The following CDH11 variants were observed in gnomAD, a reference collection of about 807,000 sequenced individuals.
CDH11 encodes cadherin-11.
CDH11 carries 11 observed loss-of-function variants against 67.8 expected under a neutral mutation model. That is an observed-to-expected ratio of 0.16 (90% confidence interval 0.10 to 0.27). CDH11 has a LOEUF of 0.27. Ranked by LOEUF, CDH11 falls within the 10% of genes least tolerant of loss-of-function variation. CDH11 has a pLI of 1.00. For synonymous variants in CDH11, 419 were observed against 400.0 expected, an observed-to-expected ratio of 1.05 and a Z score of -0.57; for missense variants, 847 against 1,031.2, an observed-to-expected ratio of 0.82 and a Z score of 2.45.
At chr16:65,017,804 GCAGT>G (rs979530289) in intron 2 of CDH11, among the ~76,000 whole-genome samples, 4 of 151,998 alleles carry the variant, frequency 2.6e-5, no homozygotes, top group Admixed American at 6.6e-5. Flanking sequence ...ACAAAAATAA[GCAGT>G]CAATCTAAAT....
At chr16:64,980,148 G>A (rs182349262) in intron 8 of CDH11, among the ~76,000 whole-genome samples, 1 of 152,204 alleles carries the variant, frequency 6.6e-6, no homozygotes, top group East Asian at 1.9e-4. Context: ...ATTAGACAGT[G>A]GTAATGGTTG....
In CDH11 at chr16:64,947,176, T is replaced by C. The variant is rs1328433140; in HGVS notation, c.*427A>G. On this transcript the variant is annotated 3_prime_UTR_variant, in exon 13 of 13. Transcript: ENST00000268603. ...ATTTCAAGTTTAAAAATGCACTACA[T>C]ATAGAGTGTCCAGAGTTTAAGGCGA... The C allele has an allele frequency of 3.8e-5, 41 of 1,067,740 alleles. No homozygotes were observed. The highest frequency in any genetic ancestry group is 4.7e-5 in the Non-Finnish European group (41 of 878,732). 66.1% of individuals were successfully genotyped at this position (1,067,740 alleles called of 1,614,324 possible). A position where few individuals can be genotyped will look rare whatever the true frequency, so the allele number is the denominator to read the frequency against.
At chr16:65,047,715 T>A (rs2073987267) in intron 2 of CDH11, among the ~76,000 whole-genome samples, 1 of 152,188 alleles carries the variant, frequency 6.6e-6, no homozygotes, top group Non-Finnish European at 1.5e-5. Flanking sequence ...TGTATCTATC[T>A]AAGGATACAT....
chr16:65,005,059 T>C lies in CDH11; in HGVS notation c.-172-18A>G, dbSNP rs1020289229. On this transcript the variant is annotated intron_variant, in intron 2 of 12. Coordinates refer to ENST00000268603, the MANE Select transcript of CDH11 (RefSeq NM_001797.4). ...GTTAGCTTCTGCAAGCAGAGAGAGGTTGGATTAACTGCAGGCCAAATCCCC... is the reference window on the plus strand; with the variant it reads ...GTTAGCTTCTGCAAGCAGAGAGAGGCTGGATTAACTGCAGGCCAAATCCCC... 1.5e-6 allele frequency: 2 copies of C among 1,338,692 alleles called. No homozygotes were observed. Among genetic ancestry groups the C allele is most frequent in the Non-Finnish European group, 1.9e-6 (2 of 1,047,856 alleles). The allele number at this position is 1,338,692 out of a possible 1,614,324, so 82.9% of individuals were successfully genotyped here. A position where few individuals can be genotyped will look rare whatever the true frequency, so the allele number is the denominator to read the frequency against.
At chr16:64,977,719 C>T (rs142828408) in intron 8 of CDH11, among the ~76,000 whole-genome samples, 1 of 152,186 alleles carries the variant, frequency 6.6e-6, no homozygotes, top group Non-Finnish European at 1.5e-5. Context: ...GTGTTCAATA[C>T]TGACTGTCCA....
intron 1 of CDH11, chr16:65,059,794 G>T (rs531583167): frequency 6.6e-6 from 1 of 152,172 alleles, no homozygotes; most frequent in Admixed American, 6.5e-5. Flanking sequence ...AATGTCTTTC[G>T]TTGTACCCAA....
chr16:64,987,193 A>G (rs2072509311), intron 7 of CDH11: 1 of 152,070 alleles, frequency 6.6e-6, no homozygotes, highest in African/African-American at 2.4e-5. Context: ...TCACGGGGGG[A>G]AACCTTTTTA....
chr16:64,970,692 G>A (rs2071981425), intron 11 of CDH11, among the ~76,000 whole-genome samples: 3 of 152,158 alleles, frequency 2.0e-5, no homozygotes, highest in African/African-American at 2.4e-5. Context: ...CAGTCGCAGG[G>A]AAAGCAATCA....
Position 65,121,372 on chromosome 16 carries a change from T to A in CDH11, c.-298+508A>T, listed in dbSNP as rs1476645297. 2.0e-5 allele frequency among the ~76,000 whole-genome samples: 3 copies of A among 152,186 alleles called. No individual in the cohort carries two copies. Among genetic ancestry groups the A allele is most frequent in the Non-Finnish European group, 4.4e-5 (3 of 68,026 alleles). ...ACCCGGCAGTCTCGACTGCAGGGAC[T>A]AAGCCCCGGGGAGCTTTCGGCAGGG... On this transcript the variant is annotated intron_variant, in intron 1 of 12. Transcript: ENST00000268603. This position sits in a 1 kb window ranked among gnomAD's most constrained non-coding sequence, Gnocchi z 4.1.
intron 2 of CDH11, among the ~76,000 whole-genome samples, chr16:65,026,259 T>A (rs186280619): frequency 4.9e-4 from 74 of 152,162 alleles, no homozygotes; most frequent in African/African-American, 1.5e-3. Context: ...CAGAAAAAAA[T>A]TTTCTGCAGC....
intron 2 of CDH11, among the ~76,000 whole-genome samples, chr16:65,013,355 G>A (rs1442476332): frequency 1.3e-5 from 2 of 152,120 alleles, no homozygotes; most frequent in Non-Finnish European, 2.9e-5. Flanking sequence ...GACAGGAGCC[G>A]AGCTGTCAGA....
At position 65,036,679 on chromosome 16, in the gene CDH11, A is replaced by G. The variant is rs916588912; in HGVS notation, c.-173+17125T>C. Among the ~76,000 whole-genome samples, 6 of 152,210 alleles carry G rather than the reference A, an allele frequency of 3.9e-5. No homozygotes were observed. The East Asian group carries it at 1.2e-3, about 30-fold the overall frequency. ...AACGTCATATGTTCTACTAAGACAG[A>G]CCTATTGCCATTTCTAAAATGATCC... is the stretch of plus-strand genomic sequence containing the variant. On this transcript the variant is annotated intron_variant, in intron 2 of 12. Transcript: ENST00000268603.
intron 8 of CDH11, among the ~76,000 whole-genome samples, chr16:64,979,759 A>G (rs1448395914): frequency 1.3e-5 from 2 of 152,308 alleles, no homozygotes; most frequent in East Asian, 3.9e-4. Context: ...TTAGGCTAAG[A>G]CATGTCCAGG....
chr16:65,018,981 C>T lies in CDH11; in HGVS notation c.-172-13940G>A, dbSNP rs148373588. Among the ~76,000 whole-genome samples, 335 of 152,270 alleles carry T rather than the reference C, an allele frequency of 2.2e-3. 3 individuals are homozygous for T. The highest frequency in any genetic ancestry group is 7.4e-3 in the African/African-American group (307 of 41,572). ...ACCTCTGTGGTACACAGCAATTTAA[C>T]ATAACAGTTATGGGTATTATTGTTC... On this transcript the variant is annotated intron_variant, in intron 2 of 12. Transcript: ENST00000268603.
Position 64,945,301 on chromosome 16 carries a change from T to TAAAAAAAAAAAAAAAAAA in CDH11, c.*2284_*2301dup, listed in dbSNP as rs3046001. Reference sequence around the variant, plus strand: ...AGAGGCTTAACGAAAAAATAAAAGGTAAAAAAAAAAAAAAAAAAGAAAAAG... The same window carrying TAAAAAAAAAAAAAAAAAA: ...AGAGGCTTAACGAAAAAATAAAAGGTAAAAAAAAAAAAAAAAAAAAAAAAAAAAAAAAAAAAGAAAAAG... On this transcript the variant is annotated 3_prime_UTR_variant, in exon 13 of 13. Transcript: ENST00000268603. 8.1e-6 allele frequency: 3 copies of TAAAAAAAAAAAAAAAAAA among 371,896 alleles called. No individual in the cohort carries two copies. The highest frequency in any genetic ancestry group is 7.2e-6 in the Non-Finnish European group (2 of 276,540). The allele number at this position is 371,896 out of a possible 1,614,324, so 23.0% of individuals were successfully genotyped here.
intron 8 of CDH11, among the ~76,000 whole-genome samples, chr16:64,980,968 A>T (rs538986561): frequency 3.2e-4 from 48 of 152,178 alleles, no homozygotes; most frequent in African/African-American, 9.6e-4. Context: ...TAAACGTGTG[A>T]TTCAAGCCCC....
rs563616949 is a variant in CDH11 at position 65,091,038 on chromosome 16, T to C, written c.-298+30842A>G. On this transcript the variant is annotated intron_variant, in intron 1 of 12. Coordinates refer to ENST00000268603, the MANE Select transcript of CDH11 (RefSeq NM_001797.4). ...CATAATTTCTCTACATGCTCTGATA[T>C]ACGCATAAGTGCGTAAGTATGAGTG... Among the ~76,000 whole-genome samples, 11 of 152,356 alleles carry C rather than the reference T, an allele frequency of 7.2e-5. No homozygotes were observed. In the South Asian group the frequency reaches 2.1e-3, roughly 29 times the overall value.
chr16:64,960,145 T>A (rs1453588759), intron 11 of CDH11, among the ~76,000 whole-genome samples: 1 of 152,046 alleles, frequency 6.6e-6, no homozygotes, highest in African/African-American at 2.4e-5. Flanking sequence ...CCAATATAAT[T>A]TTGTGGAAAA....
intron 11 of CDH11, among the ~76,000 whole-genome samples, chr16:64,965,096 C>T (rs919814424): frequency 1.3e-5 from 2 of 148,174 alleles, no homozygotes; most frequent in Non-Finnish European, 3.0e-5. Flanking sequence ...TGGTGGCTCA[C>T]GTCTGAAATC....
Sources: gnomAD v4.1 joint callset for allele counts (sites outside exome capture counted in the v4.1 genomes callset) on GRCh38, gnomAD v4.1.1 for gene constraint, Gnocchi (gnomAD v3.1) non-coding constraint, MANE v1.5 for transcripts, NCBI Gene and HGNC (gene_info 2026-07-23, HGNC 2026-07-21) for gene names.